INCENP: variants seen among roughly 807,000 people sequenced by gnomAD.
INCENP encodes binds and activates aurora-B and -C in vivo and in vitro.
INCENP carries 43 observed loss-of-function variants against 107.3 expected under a neutral mutation model. The observed-to-expected ratio is 0.40, with a 90% CI of 0.31 to 0.52. INCENP has a LOEUF of 0.52. INCENP is among the 20% of genes least tolerant of loss of function. INCENP has a pLI of 0.53. For synonymous variants in INCENP, 488 were observed against 494.4 expected, an observed-to-expected ratio of 0.99 and a Z score of 0.17; for missense variants, 1,089 against 1,250.9, an observed-to-expected ratio of 0.87 and a Z score of 1.95.
intron 2 of INCENP, 122 bp from the exon 3 acceptor site, chr11:62,128,648 T>C: frequency 2.7e-6 from 2 of 731,562 alleles, no homozygotes; most frequent in South Asian, 3.2e-5. Context: ...AGAGCTCACT[T>C]GGTGCTGGAC....
At chr11:62,138,206 G>A (rs546707046) in intron 5 of INCENP, among the ~76,000 whole-genome samples, 3 of 152,272 alleles carry the variant, frequency 2.0e-5, no homozygotes, top group East Asian at 1.9e-4. Context: ...GAGTGCTCCA[G>A]GATTACACCC....
chr11:62,138,914 G>C lies in INCENP; in HGVS notation c.1200G>C (p.Ser400=). Residue 400 remains serine, a synonymous_variant, in exon 7 of 19, where the codon TCG becomes TCC. Transcript: ENST00000394818. ...PEVPENNGNN[S]WPHNDTEIAN... ...TCCCTGAGAACAATGGAAATAACTC[G>C]TGGCCCCACAATGACACGGAGATTG... The C allele has an allele frequency of 6.2e-7, 1 of 1,613,900 alleles. No individual in the cohort carries two copies. Among genetic ancestry groups the C allele is most frequent in the Admixed American group, 1.7e-5 (1 of 60,028 alleles).
Position 62,137,818 on chromosome 11 carries a change from CT to C in INCENP, c.1064-10del. ...CTCTGATGAGATCTTTTGTGCCTTT[CT>C]TTTCCCCCTCAGGTCACAGTTACCT... On this transcript the variant is annotated splice_polypyrimidine_tract_variant and intron_variant, in intron 4 of 18. Transcript: ENST00000394818. 6.2e-7 allele frequency: 1 copy of C among 1,613,850 alleles called. No homozygotes were observed. The highest frequency in any genetic ancestry group is 8.5e-7 in the Non-Finnish European group (1 of 1,179,742).
chr11:62,147,578 G>C (rs1012109996), intron 15 of INCENP, among the ~76,000 whole-genome samples: 19 of 152,218 alleles, frequency 1.2e-4, no homozygotes, highest in African/African-American at 4.6e-4. Context: ...CACAGAAGTA[G>C]AGCACAAGGC....
chr11:62,135,007 C>T (rs1009293577), intron 4 of INCENP, among the ~76,000 whole-genome samples: 4 of 151,814 alleles, frequency 2.6e-5, no homozygotes, highest in South Asian at 2.1e-4. Context: ...GCTGAATTCA[C>T]GCCACTTCAC....
At chr11:62,146,215 C>T (rs998364762) in intron 14 of INCENP, among the ~76,000 whole-genome samples, 3 of 152,188 alleles carry the variant, frequency 2.0e-5, no homozygotes, top group African/African-American at 2.4e-5. Flanking sequence ...TCTTAGGACT[C>T]TAGAGAAGGC....
Position 62,130,465 on chromosome 11 carries a change from C to G in INCENP, c.938C>G (p.Pro313Arg). Residue 313 changes from proline (P) to arginine (R), a missense_variant, in exon 4 of 19, where the codon CCG (proline) becomes CGG (arginine). Transcript: ENST00000394818. ...VRHSPIAPSSPSPQVLAQKYS... is the reference protein window; with the variant it reads ...VRHSPIAPSSRSPQVLAQKYS... ...CACAGCCCGATCGCCCCGTCTTCCC[C>G]GAGTCCCCAAGTCTTAGCCCAGAAG... 6.2e-7 allele frequency: 1 copy of G among 1,614,096 alleles called. No individual in the cohort carries two copies. Among genetic ancestry groups the G allele is most frequent in the South Asian group, 1.1e-5 (1 of 91,088 alleles).
intron 11 of INCENP, among the ~76,000 whole-genome samples, chr11:62,142,359 G>A (rs1481241485): frequency 6.6e-6 from 1 of 152,242 alleles, no homozygotes; most frequent in Non-Finnish European, 1.5e-5. Flanking sequence ...CCCTCTTGTT[G>A]GAGAGGGTGA....
intron 11 of INCENP, chr11:62,141,772 T>C: frequency 3.4e-6 from 2 of 584,470 alleles, no homozygotes; most frequent in Non-Finnish European, 6.1e-6. Flanking sequence ...TCACCAGGGC[T>C]ACAGCTTGAT....
At position 62,129,668 on chromosome 11, in the gene INCENP, C is replaced by G. The variant is rs1001863165; in HGVS notation, c.255-114C>G. ...GCAGAATCTGGCCTGGAACCCAGAT[C>G]TTTTGCCTTCACCTTCTCTTATCAT... On this transcript the variant is annotated intron_variant, in intron 3 of 18. Transcript: ENST00000394818. 14 of 857,352 alleles carry G rather than the reference C, an allele frequency of 1.6e-5. No individual in the cohort carries two copies. The Admixed American group carries it at 3.9e-4, about 24-fold the overall frequency. The allele number at this position is 857,352 out of a possible 1,614,324, so 53.1% of individuals were successfully genotyped here.
chr11:62,146,595 G>C, intron 14 of INCENP, 63 bp from the exon 15 acceptor site: 1 of 1,541,698 alleles, frequency 6.5e-7, no homozygotes, highest in Admixed American at 2.0e-5. Flanking sequence ...GGGGAGTAGG[G>C]CTGCTGTCCT....
In INCENP at chr11:62,145,890, C is replaced by G. The variant is rs11230926; in HGVS notation, c.1959+139C>G. The G allele has an allele frequency of 0.24, 256,319 of 1,073,588 alleles. 32,572 individuals are homozygous for G. The highest frequency in any genetic ancestry group is 0.4 in the South Asian group (24,013 of 59,850). The allele number at this position is 1,073,588 out of a possible 1,614,324, so 66.5% of individuals were successfully genotyped here. On this transcript the variant is annotated intron_variant, in intron 14 of 18. Coordinates refer to ENST00000394818, the MANE Select transcript of INCENP (RefSeq NM_001040694.2). ...TGCTTCATGCTAAGAAGGAGGTTTC[C>G]CAGAAGTCTCCAGGGCGGGGATGGT...
intron 18 of INCENP, among the ~76,000 whole-genome samples, chr11:62,150,482 T>C (rs1250199290): frequency 1.3e-5 from 2 of 152,234 alleles, no homozygotes; most frequent in Non-Finnish European, 2.9e-5. Flanking sequence ...TGGCATATGC[T>C]GCTGGGTGTC....
At chr11:62,127,280 T>G (rs1943772809) in intron 1 of INCENP, among the ~76,000 whole-genome samples, 1 of 152,142 alleles carries the variant, frequency 6.6e-6, no homozygotes, top group Non-Finnish European at 1.5e-5. Flanking sequence ...GTGATCTACC[T>G]GCCTCGGCCT....
intron 2 of INCENP, 110 bp downstream of exon 2, chr11:62,128,411 C>T: frequency 8.4e-7 from 1 of 1,187,736 alleles, no homozygotes; most frequent in Non-Finnish European, 1.2e-6. Context: ...AACAGACAGC[C>T]TGTCAGGGCT....
At chr11:62,150,014 G>C (rs1413068938) in intron 17 of INCENP, 43 bp from the exon 18 acceptor site, 3 of 1,601,644 alleles carry the variant, frequency 1.9e-6, no homozygotes, top group Admixed American at 3.4e-5. Flanking sequence ...GTGAGAGATG[G>C]GAATGCCATG....
intron 17 of INCENP, among the ~76,000 whole-genome samples, chr11:62,149,498 T>C (rs1316185177): frequency 1.3e-5 from 2 of 152,188 alleles, no homozygotes; most frequent in African/African-American, 2.4e-5. Context: ...GATGGTTACG[T>C]TGCAAATCCT....
chr11:62,138,804 C>A lies in INCENP; in HGVS notation c.1173+34C>A, dbSNP rs1197978039. The A allele has an allele frequency of 3.1e-6, 5 of 1,611,146 alleles. No homozygotes were observed. In the Admixed American group the frequency reaches 6.7e-5, roughly 21 times the overall value. On this transcript the variant is annotated intron_variant, in intron 6 of 18. Coordinates refer to ENST00000394818, the MANE Select transcript of INCENP (RefSeq NM_001040694.2). ...GCTGCCTGGGGAAGGGAGGACTCACCTCTGGGGCTCCCGCTCTGCACTACG... is the reference window on the plus strand; with the variant it reads ...GCTGCCTGGGGAAGGGAGGACTCACATCTGGGGCTCCCGCTCTGCACTACG...
At chr11:62,140,131 A>G in intron 7 of INCENP, 103 bp from the exon 8 acceptor site, 1 of 960,432 alleles carries the variant, frequency 1.0e-6, no homozygotes, top group Non-Finnish European at 1.7e-6. Context: ...AGCCTTGCCC[A>G]CTGCCAAGGC....
Sources: gnomAD v4.1 joint callset for allele counts (sites outside exome capture counted in the v4.1 genomes callset) on GRCh38, gnomAD v4.1.1 for gene constraint, MANE v1.5 for transcripts, NCBI Gene and HGNC (gene_info 2026-07-23, HGNC 2026-07-21) for gene names.